Variants in HTR3E observed in about 807,000 individuals in gnomAD.
The protein encoded by HTR3E is 5-hydroxytryptamine receptor 3E.
Under a neutral mutation model 38.0 loss-of-function variants are expected in HTR3E, and 38 were observed. The ratio of observed to expected loss-of-function variants is 1.00; its 90% confidence interval spans 0.77 to 1.31. HTR3E has a LOEUF of 1.31. Among genes scored for constraint, HTR3E ranks in the 50% most tolerant of loss-of-function variants. The pLI is 0.00. For missense variants in HTR3E, 547 were observed against 585.2 expected, an observed-to-expected ratio of 0.93 and a Z score of 0.67; for synonymous variants, 210 against 232.9, an observed-to-expected ratio of 0.90 and a Z score of 0.89.
At position 184,104,235 on chromosome 3, in the gene HTR3E, G is replaced by C. The variant is rs764285833; in HGVS notation, c.333G>C (p.Thr111=). 5.0e-6 allele frequency: 8 copies of C among 1,613,166 alleles called. No homozygotes were observed. In the Admixed American group the frequency reaches 1.2e-4, roughly 24 times the overall value. ...ACCCAGAGGAATGTGAGGGCATCAC[G>C]AAGATGAGTATGGCAGCCAAGAACC... is the stretch of plus-strand genomic sequence containing the variant. The part of the protein sequence containing the change: ...SWNPEECEGI[T]KMSMAAKNLW... Residue 111 remains threonine (T), a synonymous_variant, in exon 4 of 9, where the codon ACG becomes ACC. Coordinates refer to ENST00000415389, the MANE Select transcript of HTR3E (RefSeq NM_001256613.2).
chr3:184,100,215 A>G (rs1711941089), intron 1 of HTR3E: 19 of 1,402,662 alleles, frequency 1.4e-5, no homozygotes, highest in Non-Finnish European at 1.8e-5. Flanking sequence ...TGGCTGTCTG[A>G]CTGTAGGAAG....
At chr3:184,103,114 C>T (rs932810030) in intron 3 of HTR3E, among the ~76,000 whole-genome samples, 1 of 152,028 alleles carries the variant, frequency 6.6e-6, no homozygotes, top group African/African-American at 2.4e-5. Flanking sequence ...ATCTTAATTG[C>T]ATTGATAAGA....
chr3:184,105,524 C>A, intron 6 of HTR3E, 97 bp downstream of exon 6: 1 of 1,328,146 alleles, frequency 7.5e-7, no homozygotes, highest in Non-Finnish European at 1.0e-6. Context: ...CAGGGTCTCC[C>A]AATGTTACCC....
chr3:184,106,035 A>G lies in HTR3E; in HGVS notation c.925+66A>G. 6.2e-7 allele frequency: 1 copy of G among 1,610,224 alleles called. No individual in the cohort carries two copies. Reference sequence around the variant, plus strand: ...TAACTCAGGAAGGGAGGTATTTTGGAAAAAGGAGGCCGTATGCCTGCCAGG... The same window carrying G: ...TAACTCAGGAAGGGAGGTATTTTGGGAAAAGGAGGCCGTATGCCTGCCAGG... On this transcript the variant is annotated intron_variant, in intron 7 of 8. Transcript: ENST00000415389. This position sits in a 1 kb window ranked among gnomAD's most constrained non-coding sequence, Gnocchi z 4.1.
At chr3:184,100,148 A>G (rs768543061) in intron 1 of HTR3E, 84 of 1,380,078 alleles carry the variant, frequency 6.1e-5, no homozygotes, top group Non-Finnish European at 7.5e-5. Context: ...GGGGACGTAT[A>G]GCACAGCAGC....
At chr3:184,100,434 G>A (rs866787146) in intron 1 of HTR3E, 51 bp from the exon 2 acceptor site, 1 of 1,362,188 alleles carries the variant, frequency 7.3e-7, no homozygotes, top group African/African-American at 1.4e-5. Context: ...CTCTCATATA[G>A]GGAGCACAGG....
intron 4 of HTR3E, 42 bp downstream of exon 4, chr3:184,104,333 G>A: frequency 6.4e-7 from 1 of 1,573,696 alleles, no homozygotes; most frequent in Non-Finnish European, 8.6e-7. Flanking sequence ...CCATCTCCTG[G>A]TAGCCACAGA....
chr3:184,100,564 T>C lies in HTR3E; in HGVS notation c.147T>C (p.Phe49=), dbSNP rs555966939. The C allele has an allele frequency of 3.2e-5, 51 of 1,614,112 alleles. No homozygotes were observed. In the South Asian group the frequency reaches 5.2e-4, roughly 16 times the overall value. ...GADPTALNSV[F]NRKPFRPVTN... is the part of the protein sequence containing the mutation. ...ATCCCACTGCTCTGAATTCAGTGTT[T>C]AATAGAAAGCCCTTCCGTCCGGTCA... The change falls in exon 2 of 9, where the codon TTT becomes TTC. Residue 49 remains phenylalanine, a synonymous_variant. Transcript: ENST00000415389.
At chr3:184,099,331 G>C (rs142421886) in intron 1 of HTR3E, among the ~76,000 whole-genome samples, 150 of 151,254 alleles carry the variant, frequency 9.9e-4, no homozygotes, top group Middle Eastern at 3.6e-3. Context: ...CCCAGAGGCT[G>C]AGGCCAAGTG....
Position 184,106,212 on chromosome 3 carries a change from C to T in HTR3E, c.1010C>T (p.Thr337Ile), listed in dbSNP as rs1460666489. Residue 337 changes from threonine (T) to isoleucine (I), a missense_variant, in exon 8 of 9, where the codon ACC (threonine) becomes ATC (isoleucine). Thr to Ile is a moderately conservative substitution (Grantham distance 89). Coordinates refer to ENST00000415389, the MANE Select transcript of HTR3E (RefSeq NM_001256613.2). This position sits in a 1 kb window ranked among gnomAD's most constrained non-coding sequence, Gnocchi z 4.1. ...IFITHLLHVA[T>I]TQPPPLPRWL... ...ATCACCCACCTGCTGCACGTGGCCA[C>T]CACCCAGCCCCCACCCCTGCCTCGG... The T allele has an allele frequency of 1.9e-6, 3 of 1,612,776 alleles. No individual in the cohort carries two copies. The highest frequency in any genetic ancestry group is 2.5e-6 in the Non-Finnish European group (3 of 1,180,004).
rs1221773110 is a variant in HTR3E at position 184,099,733 on chromosome 3, A to AC, written c.68-752_68-751insC. On this transcript the variant is annotated intron_variant, in intron 1 of 8. Transcript: ENST00000415389. The stretch of plus-strand genomic sequence containing the variant: ...GAGACTCCGTCTCAAAAAAAAAAAA[A>AC]AAAAAAAGAAAGAAATATGCACAAT... Among the ~76,000 whole-genome samples, 1,214 of 145,412 alleles carry AC rather than the reference A, an allele frequency of 8.3e-3. 132 individuals are homozygous for AC. Among genetic ancestry groups the AC allele is most frequent in the African/African-American group, 0.028 (1,089 of 38,276 alleles).
At chr3:184,099,508 A>T (rs1711855074) in intron 1 of HTR3E, among the ~76,000 whole-genome samples, 1 of 151,876 alleles carries the variant, frequency 6.6e-6, no homozygotes, top group African/African-American at 2.4e-5. Context: ...AAGTCAGGAG[A>T]TTGAGACCAT....
At chr3:184,100,776 T>C in intron 2 of HTR3E, 125 bp downstream of exon 2, 3 of 1,366,668 alleles carry the variant, frequency 2.2e-6, no homozygotes, top group Non-Finnish European at 3.0e-6. Flanking sequence ...GGCATTTGCC[T>C]GGCATGGGGA....
rs560673114 is a variant in HTR3E at position 184,104,942 on chromosome 3, C to CATTCCTCT, written c.547_554dup (p.Thr186SerfsTer19). The CATTCCTCT allele has an allele frequency of 2.1e-4, 339 of 1,613,720 alleles. No individual in the cohort carries two copies. In the East Asian group the frequency reaches 7.1e-3, roughly 34 times the overall value. On this transcript the variant is annotated frameshift_variant, in exon 5 of 9. Coordinates refer to ENST00000415389, the MANE Select transcript of HTR3E (RefSeq NM_001256613.2). LOFTEE classifies it high-confidence loss of function. Reference sequence around the variant, plus strand: ...CAGAACTGCACACTCACCTTCAGCTCATTCCTCTACACAGGTAAGTTGCAG... The same window carrying CATTCCTCT: ...CAGAACTGCACACTCACCTTCAGCTCATTCCTCTATTCCTCTACACAGGTAAGTTGCAG...
chr3:184,105,331 C>T lies in HTR3E; in HGVS notation c.624C>T (p.Ile208=), dbSNP rs1712357147. 1 of 1,614,046 alleles carries T rather than the reference C, an allele frequency of 6.2e-7. No individual in the cohort carries two copies. Among genetic ancestry groups the T allele is most frequent in the South Asian group, 1.1e-5 (1 of 91,072 alleles). ...VWEITDASRN[I]LQTHGEWELL... is the part of the protein sequence containing the mutation. ...AAATAACAGACGCATCCCGGAACAT[C>T]CTTCAGACCCATGGAGAATGGGAGC... Residue 208 remains isoleucine (I), a synonymous_variant, in exon 6 of 9, where the codon ATC becomes ATT. Coordinates refer to ENST00000415389, the MANE Select transcript of HTR3E (RefSeq NM_001256613.2).
intron 3 of HTR3E, among the ~76,000 whole-genome samples, chr3:184,101,947 G>A (rs559540916): frequency 2.6e-5 from 4 of 152,348 alleles, no homozygotes; most frequent in Non-Finnish European, 4.4e-5. Context: ...CCGAGATTGC[G>A]CCACTGCGCT....
intron 1 of HTR3E, among the ~76,000 whole-genome samples, chr3:184,098,561 A>G (rs1255710715): frequency 3.3e-5 from 5 of 151,828 alleles, no homozygotes; most frequent in African/African-American, 9.7e-5. Context: ...ACTTGCACAC[A>G]GGGGTTGACA....
In HTR3E at chr3:184,106,384, C is replaced by T; in HGVS notation, c.1141+41C>T. The T allele has an allele frequency of 6.4e-7, 1 of 1,573,306 alleles. No homozygotes were observed. Among genetic ancestry groups the T allele is most frequent in the South Asian group, 1.2e-5 (1 of 86,742 alleles). ...TTCCTCTTCCCCCACCTCCACTTCT[C>T]TGCTCCTGCCTCCTTCCCTGTCTCC... On this transcript the variant is annotated intron_variant, in intron 8 of 8. Coordinates refer to ENST00000415389, the MANE Select transcript of HTR3E (RefSeq NM_001256613.2). This position sits in a 1 kb window ranked among gnomAD's most constrained non-coding sequence, Gnocchi z 4.1.
Position 184,104,231 on chromosome 3 carries a change from T to A in HTR3E, c.329T>A (p.Ile110Asn). 6.2e-7 allele frequency: 1 copy of A among 1,613,380 alleles called. No individual in the cohort carries two copies. The highest frequency in any genetic ancestry group is 8.5e-7 in the Non-Finnish European group (1 of 1,179,768). The change falls in exon 4 of 9, where the codon ATC becomes AAC. Residue 110 changes from isoleucine (I) to asparagine (N), a missense_variant. Transcript: ENST00000415389. ...TGGAACCCAGAGGAATGTGAGGGCATCACGAAGATGAGTATGGCAGCCAAG... is the reference window on the plus strand; with the variant it reads ...TGGAACCCAGAGGAATGTGAGGGCAACACGAAGATGAGTATGGCAGCCAAG... ...ISWNPEECEG[I>N]TKMSMAAKNL...
Sources: gnomAD v4.1 joint callset for allele counts (sites outside exome capture counted in the v4.1 genomes callset) on GRCh38, gnomAD v4.1.1 for gene constraint, Gnocchi (gnomAD v3.1) non-coding constraint, MANE v1.5 for transcripts, NCBI Gene and HGNC (gene_info 2026-07-23, HGNC 2026-07-21) for gene names.